The following ATP6V1C2 variants were observed in gnomAD, a reference collection of about 807,000 sequenced individuals.
ATP6V1C2 encodes the protein V-type proton ATPase subunit C 2.
In ATP6V1C2, 45 loss-of-function variants were observed where a neutral mutation model predicts 56.8. The observed-to-expected ratio is 0.79, with a 90% CI of 0.62 to 1.02. The LOEUF (loss-of-function observed/expected upper bound fraction) is 1.02. Among genes scored for constraint, ATP6V1C2 ranks in the 50% least tolerant of loss-of-function variants. ATP6V1C2 has a pLI of 0.00. For synonymous variants in ATP6V1C2, 220 were observed against 201.3 expected (o/e 1.09, Z -0.79); for missense variants, 463 against 519.7 (o/e 0.89, Z 1.06).
At position 10,778,697 on chromosome 2, in the gene ATP6V1C2, A is replaced by T. The variant is rs376499137; in HGVS notation, c.1061+28A>T. ...GCGTGGCAGTGATGCCCCGGCTGGG[A>T]CTGTCCTGAGGATGGGCAGGGTCTG... On this transcript the variant is annotated intron_variant, in intron 12 of 13. Coordinates refer to ENST00000272238, the MANE Select transcript of ATP6V1C2 (RefSeq NM_001039362.2). The T allele has an allele frequency of 1.7e-5, 27 of 1,611,204 alleles. No individual in the cohort carries two copies. In the African/African-American group the frequency reaches 2.4e-4, roughly 14 times the overall value.
intron 5 of ATP6V1C2, among the ~76,000 whole-genome samples, chr2:10,764,901 G>A (rs560425772): frequency 1.3e-5 from 2 of 152,096 alleles, no homozygotes; most frequent in African/African-American, 4.8e-5. Context: ...AACCCGGGAG[G>A]TGGAGGTTGC....
chr2:10,766,605 A>T (rs1311018280), intron 5 of ATP6V1C2, among the ~76,000 whole-genome samples: 1 of 152,224 alleles, frequency 6.6e-6, no homozygotes, highest in Admixed American at 6.5e-5. Context: ...TTCAAAAAAT[A>T]TATAAATCTT....
chr2:10,731,658 C>T (rs62128974), intron 3 of ATP6V1C2, among the ~76,000 whole-genome samples: 16,135 of 152,080 alleles, frequency 0.11, 1,763 homozygotes, highest in East Asian at 0.4. Context: ...AGACTGGTCT[C>T]GTGCAGGAAG....
chr2:10,784,181 G>T lies in ATP6V1C2; in HGVS notation c.*918G>T. 1.8e-6 allele frequency: 2 copies of T among 1,095,696 alleles called. No homozygotes were observed. Among genetic ancestry groups the T allele is most frequent in the South Asian group, 1.4e-5 (1 of 70,260 alleles). The allele number at this position is 1,095,696 out of a possible 1,614,324, so 67.9% of individuals were successfully genotyped here. A position where few individuals can be genotyped will look rare whatever the true frequency, so the allele number is the denominator to read the frequency against. On this transcript the variant is annotated 3_prime_UTR_variant, in exon 14 of 14. Coordinates refer to ENST00000272238, the MANE Select transcript of ATP6V1C2 (RefSeq NM_001039362.2). ...CCACTGGTAGAGTCATCTGAGTGTAGAGAATGTCCCTTCACTGCTGGAAAA... is the reference window on the plus strand; with the variant it reads ...CCACTGGTAGAGTCATCTGAGTGTATAGAATGTCCCTTCACTGCTGGAAAA...
chr2:10,784,212 C>A lies in ATP6V1C2; in HGVS notation c.*949C>A. ...GTCCCTTCACTGCTGGAAAAATCCA[C>A]TGGCTCCCAAGAAAAGAAAATGGTC... On this transcript the variant is annotated 3_prime_UTR_variant, in exon 14 of 14. Coordinates refer to ENST00000272238, the MANE Select transcript of ATP6V1C2 (RefSeq NM_001039362.2). The A allele has an allele frequency of 6.7e-7, 1 of 1,503,270 alleles. No homozygotes were observed. The highest frequency in any genetic ancestry group is 9.2e-7 in the Non-Finnish European group (1 of 1,090,368). The allele number at this position is 1,503,270 out of a possible 1,614,324, so 93.1% of individuals were successfully genotyped here.
intron 5 of ATP6V1C2, 103 bp downstream of exon 5, chr2:10,764,528 G>A (rs1222970384): frequency 2.0e-6 from 2 of 983,318 alleles, no homozygotes; most frequent in Non-Finnish European, 1.6e-6. Context: ...TCCTGACTGG[G>A]CCTCTGGGTT....
At chr2:10,732,311 C>T (rs1463276656) in intron 3 of ATP6V1C2, among the ~76,000 whole-genome samples, 71 of 152,078 alleles carry the variant, frequency 4.7e-4, no homozygotes, top group South Asian at 2.1e-4. Flanking sequence ...CAGGCTGAAG[C>T]GCAGTGGCGT....
At chr2:10,759,143 G>A (rs1198859) in intron 4 of ATP6V1C2, among the ~76,000 whole-genome samples, 65,655 of 152,074 alleles carry the variant, frequency 0.43, 14,663 homozygotes, top group African/African-American at 0.54. Flanking sequence ...GCCTGCAGCC[G>A]GTCAGACCTG....
intron 3 of ATP6V1C2, among the ~76,000 whole-genome samples, chr2:10,753,241 T>C (rs1220138536): frequency 3.9e-5 from 6 of 152,214 alleles, no homozygotes; most frequent in Non-Finnish European, 8.8e-5. Flanking sequence ...ATACTGCCTG[T>C]AGGAGTTTGT....
intron 4 of ATP6V1C2, among the ~76,000 whole-genome samples, chr2:10,755,560 G>A (rs1367148928): frequency 2.0e-5 from 3 of 152,148 alleles, no homozygotes; most frequent in South Asian, 2.1e-4. Flanking sequence ...CTGCAGTTCC[G>A]CCTCTACTCT....
At chr2:10,725,992 A>G (rs1234861404) in intron 2 of ATP6V1C2, among the ~76,000 whole-genome samples, 2 of 152,020 alleles carry the variant, frequency 1.3e-5, no homozygotes, top group South Asian at 2.1e-4. Context: ...AGGCAGGAGA[A>G]TCACTTGAAT....
chr2:10,762,509 G>T (rs541539326), intron 4 of ATP6V1C2, among the ~76,000 whole-genome samples: 1 of 152,128 alleles, frequency 6.6e-6, no homozygotes, highest in Non-Finnish European at 1.5e-5. Flanking sequence ...AGTGCCAGCC[G>T]CTTTAATGGT....
At chr2:10,747,800 A>G (rs879934093) in intron 3 of ATP6V1C2, among the ~76,000 whole-genome samples, 8 of 152,020 alleles carry the variant, frequency 5.3e-5, no homozygotes, top group African/African-American at 1.2e-4. Flanking sequence ...ATAAATTGTC[A>G]TGTCTCTTTA....
At chr2:10,755,445 G>C (rs1447797175) in intron 4 of ATP6V1C2, among the ~76,000 whole-genome samples, 1 of 152,242 alleles carries the variant, frequency 6.6e-6, no homozygotes, top group Non-Finnish European at 1.5e-5. Flanking sequence ...GCCTCCCAAA[G>C]TGCTGGGATT....
chr2:10,764,238 T>C, intron 4 of ATP6V1C2, 93 bp from the exon 5 acceptor site: 2 of 1,146,176 alleles, frequency 1.7e-6, no homozygotes, highest in Non-Finnish European at 1.3e-6. Flanking sequence ...GCTGCCTTCG[T>C]GTCCACGCTG....
At chr2:10,745,041 C>CTT (rs5829274) in intron 3 of ATP6V1C2, among the ~76,000 whole-genome samples, 1,541 of 113,282 alleles carry the variant, frequency 0.014, 64 homozygotes, top group African/African-American at 0.04. Context: ...TATTTATTTT[C>CTT]TTTTTTTTTT....
intron 3 of ATP6V1C2, among the ~76,000 whole-genome samples, chr2:10,741,112 A>C (rs1290858823): frequency 6.6e-6 from 1 of 152,218 alleles, no homozygotes; most frequent in East Asian, 1.9e-4. Flanking sequence ...GGGTGGCTCT[A>C]CACAACTGTA....
intron 5 of ATP6V1C2, among the ~76,000 whole-genome samples, chr2:10,767,603 A>G (rs937603490): frequency 6.6e-6 from 1 of 152,020 alleles, no homozygotes; most frequent in Non-Finnish European, 1.5e-5. Context: ...GATTACAGGC[A>G]TCCACCACCA....
chr2:10,738,018 G>C lies in ATP6V1C2; in HGVS notation c.197+11449G>C, dbSNP rs112449332. On this transcript the variant is annotated intron_variant, in intron 3 of 13. Transcript: ENST00000272238. ...CTATGACAGTTACAACTCCTCGAAG[G>C]CTGCCCCTTTGTTCCTCTCTAGCGC... 2.2e-3 allele frequency among the ~76,000 whole-genome samples: 330 copies of C among 152,244 alleles called. 3 individuals are homozygous for C. The highest frequency in any genetic ancestry group is 7.7e-3 in the African/African-American group (318 of 41,536).
Sources: gnomAD v4.1 joint callset for allele counts (sites outside exome capture counted in the v4.1 genomes callset) on GRCh38, gnomAD v4.1.1 for gene constraint, MANE v1.5 for transcripts, NCBI Gene and HGNC (gene_info 2026-07-23, HGNC 2026-07-21) for gene names.